The following ZFHX3 variants were observed in gnomAD, a reference collection of about 807,000 sequenced individuals.
The protein encoded by ZFHX3 is zinc finger homeobox 3.
ZFHX3 carries 42 observed loss-of-function variants against 279.1 expected under a neutral mutation model. That is an observed-to-expected ratio of 0.15 (90% CI 0.12 to 0.19). The LOEUF is 0.19. Ranked by LOEUF, ZFHX3 falls within the 10% of genes least tolerant of loss-of-function variation. ZFHX3 has a pLI of 1.00. For synonymous variants in ZFHX3, 2,293 were observed against 1,957.8 expected (o/e 1.17, Z -4.52); for missense variants, 4,981 against 4,754.0 (o/e 1.05, Z -1.40).
intron 1 of ZFHX3, among the ~76,000 whole-genome samples, chr16:72,980,321 T>A (rs1962534515): frequency 1.3e-5 from 2 of 152,124 alleles, no homozygotes; most frequent in Admixed American, 6.5e-5. Flanking sequence ...TGTTCTAGAT[T>A]AAAGGGGACC....
intron 5 of ZFHX3, among the ~76,000 whole-genome samples, chr16:73,213,783 G>A (rs886954593): frequency 6.6e-6 from 1 of 152,098 alleles, no homozygotes; most frequent in Admixed American, 6.5e-5. Context: ...TCCTTTATGG[G>A]CCCGGGTCCC....
At chr16:73,523,351 C>G (rs1386271710) in intron 2 of ZFHX3, among the ~76,000 whole-genome samples, 1 of 152,198 alleles carries the variant, frequency 6.6e-6, no homozygotes, top group Non-Finnish European at 1.5e-5. Context: ...TTTCTGAACT[C>G]ATGACCAGAT....
chr16:73,458,782 G>C (rs538378881), intron 2 of ZFHX3, among the ~76,000 whole-genome samples: 1 of 152,028 alleles, frequency 6.6e-6, no homozygotes, highest in Non-Finnish European at 1.5e-5. Flanking sequence ...AATGATTTCC[G>C]ATTGTCTGCT....
At chr16:73,675,030 G>T (rs1048432217) in intron 2 of ZFHX3, among the ~76,000 whole-genome samples, 4 of 152,102 alleles carry the variant, frequency 2.6e-5, no homozygotes, top group African/African-American at 9.7e-5. Context: ...ACAGAAGCAA[G>T]CCAGCTGTCA....
In ZFHX3 at chr16:73,498,338, G is replaced by A. The variant is rs549225808; in HGVS notation, c.-1546-42080C>T. ...ACATGTGGGAGCTTTCTGGAATGAC[G>A]GACATGTTTGACATCTTGATGTCAG... On this transcript the variant is annotated intron_variant, in intron 2 of 17. Transcript: ENST00000641206. Among the ~76,000 whole-genome samples the A allele has an allele frequency of 5.9e-5, 9 of 152,280 alleles. No homozygotes were observed. In the South Asian group the frequency reaches 6.2e-4, roughly 11 times the overall value.
At chr16:73,535,968 C>T (rs984870008) in intron 2 of ZFHX3, among the ~76,000 whole-genome samples, 21 of 151,996 alleles carry the variant, frequency 1.4e-4, no homozygotes, top group African/African-American at 1.9e-4. Flanking sequence ...AGGATCCGCC[C>T]GCCTCAGCCT....
Position 73,644,385 on chromosome 16 carries a change from C to A in ZFHX3, c.-1547+35795G>T, listed in dbSNP as rs957033682. Among the ~76,000 whole-genome samples, 4 of 152,186 alleles carry A rather than the reference C, an allele frequency of 2.6e-5. No individual in the cohort carries two copies. The South Asian group carries it at 6.2e-4, about 24-fold the overall frequency. On this transcript the variant is annotated intron_variant, in intron 2 of 17. Coordinates refer to the ZFHX3 transcript ENST00000641206. The stretch of plus-strand genomic sequence containing the variant: ...TTGAAAGCAGCAGTTTCCAGCTGGG[C>A]ACGGTGGCTCATGCCTGTAATCCCA...
At chr16:73,445,323 T>TG (rs943247909) in intron 3 of ZFHX3, among the ~76,000 whole-genome samples, 22 of 151,746 alleles carry the variant, frequency 1.4e-4, no homozygotes, top group Non-Finnish European at 2.5e-4. Flanking sequence ...TGTATATGTA[T>TG]GGGGGGGAGA....
At chr16:73,634,459 TATAA>T (rs1266760537) in intron 2 of ZFHX3, among the ~76,000 whole-genome samples, 1 of 101,090 alleles carries the variant, frequency 9.9e-6, no homozygotes, top group African/African-American at 3.3e-5. Context: ...TATATATATA[TATAA>T]AATATATATG....
intron 1 of ZFHX3, among the ~76,000 whole-genome samples, chr16:73,801,863 T>C (rs879664679): frequency 2.6e-5 from 4 of 152,232 alleles, no homozygotes; most frequent in Admixed American, 2.6e-4. Flanking sequence ...TTCATTTTAC[T>C]TTCTCTGCCT....
intron 5 of ZFHX3, among the ~76,000 whole-genome samples, chr16:73,254,962 T>C (rs990094909): frequency 6.7e-6 from 1 of 148,626 alleles, no homozygotes; most frequent in Non-Finnish European, 1.5e-5. Flanking sequence ...CATCCATCCA[T>C]GTTTGCTAAG....
intron 5 of ZFHX3, among the ~76,000 whole-genome samples, chr16:73,195,067 A>C (rs918401523): frequency 3.9e-5 from 6 of 152,230 alleles, no homozygotes; most frequent in Non-Finnish European, 4.4e-5. Context: ...CAGGTTAGAC[A>C]GAAGCATATT....
intron 4 of ZFHX3, among the ~76,000 whole-genome samples, chr16:73,309,906 C>CTT (rs57812149): frequency 0.099 from 11,213 of 113,660 alleles, 1,136 homozygotes; most frequent in South Asian, 0.15. Flanking sequence ...TTTTTCTTGC[C>CTT]TTTTTTTTTT....
intron 1 of ZFHX3, among the ~76,000 whole-genome samples, chr16:73,872,705 G>A (rs949220111): frequency 1.2e-4 from 16 of 130,548 alleles, no homozygotes; most frequent in African/African-American, 4.7e-4. Context: ...TAATTTCATG[G>A]AATGGAAACC....
intron 5 of ZFHX3, among the ~76,000 whole-genome samples, chr16:73,169,708 G>T (rs906988169): frequency 2.6e-5 from 4 of 152,012 alleles, no homozygotes; most frequent in Non-Finnish European, 5.9e-5. Flanking sequence ...TCTTCTTTTG[G>T]CATAGAAGTG....
chr16:73,560,898 C>T (rs1363424259), intron 2 of ZFHX3, among the ~76,000 whole-genome samples: 3 of 152,092 alleles, frequency 2.0e-5, no homozygotes, highest in Non-Finnish European at 2.9e-5. Context: ...ATTTAAAAGA[C>T]AGAGACCTTG....
At chr16:73,235,372 C>T (rs1173895181) in intron 5 of ZFHX3, among the ~76,000 whole-genome samples, 1 of 152,204 alleles carries the variant, frequency 6.6e-6, no homozygotes, top group Non-Finnish European at 1.5e-5. Context: ...GGTGAGGCAC[C>T]ATGCCCGGCC....
chr16:73,055,553 T>C (rs553507844), intron 1 of ZFHX3, among the ~76,000 whole-genome samples: 85 of 152,264 alleles, frequency 5.6e-4, no homozygotes, highest in African/African-American at 1.8e-3. Context: ...TCAAACTCAA[T>C]GTGACCCTGA....
rs572990099 is a variant in ZFHX3 at position 73,588,749 on chromosome 16, C to T, written c.-1547+91431G>A. 1.2e-3 allele frequency among the ~76,000 whole-genome samples: 185 copies of T among 150,086 alleles called. 1 individual carries two copies. The highest frequency in any genetic ancestry group is 4.2e-3 in the African/African-American group (171 of 40,864). On this transcript the variant is annotated intron_variant, in intron 2 of 17. Coordinates refer to the ZFHX3 transcript ENST00000641206. ...AGAAAACAAGAGAGAGGAATATAGT[C>T]AACACCCCCAAGGACATGCAATCAT...
Sources: gnomAD v4.1 joint callset for allele counts (sites outside exome capture counted in the v4.1 genomes callset) on GRCh38, gnomAD v4.1.1 for gene constraint, MANE v1.5 for transcripts, NCBI Gene and HGNC (gene_info 2026-07-23, HGNC 2026-07-21) for gene names.